INTS9: variants seen among roughly 807,000 people sequenced by gnomAD.
INTS9 encodes integrator complex subunit 9.
INTS9 carries 55 observed loss-of-function variants against 79.7 expected under a neutral mutation model. That is an observed-to-expected ratio of 0.69 (90% CI 0.56 to 0.86). The LOEUF (loss-of-function observed/expected upper bound fraction) is 0.86, where lower values mean the gene tolerates loss of function less well. Among genes scored for constraint, INTS9 ranks in the 40% least tolerant of loss-of-function variants. The pLI is 0.00. For synonymous variants in INTS9, 319 were observed against 325.2 expected (o/e 0.98, Z 0.20); for missense variants, 721 against 831.5 (o/e 0.87, Z 1.64).
chr8:28,859,406 C>T lies in INTS9; in HGVS notation c.137+30G>A, dbSNP rs372192260. 7 of 1,610,680 alleles carry T rather than the reference C, an allele frequency of 4.3e-6. No individual in the cohort carries two copies. The African/African-American group carries it at 6.7e-5, about 15-fold the overall frequency. On this transcript the variant is annotated intron_variant, in intron 2 of 16. Coordinates refer to ENST00000521022, the MANE Select transcript of INTS9 (RefSeq NM_018250.4). ...ACCATTTTTCAGCAAACTTAAAGCT[C>T]ATTTTGTCTTTGGCTGCACCAGCAC...
intron 4 of INTS9, 47 bp downstream of exon 4, chr8:28,846,700 T>C (rs1398400159): frequency 1.5e-6 from 2 of 1,366,542 alleles, no homozygotes; most frequent in Non-Finnish European, 2.1e-6. Flanking sequence ...TTTTGAGCAA[T>C]TACATAATAA....
intron 8 of INTS9, among the ~76,000 whole-genome samples, chr8:28,805,932 TA>T (rs376083235): frequency 1.4e-3 from 209 of 148,820 alleles, no homozygotes; most frequent in African/African-American, 4.6e-3. Context: ...GACACTAGAT[TA>T]AAAAAAAAAT....
intron 1 of INTS9, among the ~76,000 whole-genome samples, chr8:28,867,771 TTTCTC>T (rs1182861282): frequency 2.6e-5 from 4 of 152,222 alleles, no homozygotes; most frequent in African/African-American, 4.8e-5. Flanking sequence ...TCTATGTTCT[TTTCTC>T]TAGTCTTGTT....
At chr8:28,865,736 T>A (rs536052553) in intron 1 of INTS9, among the ~76,000 whole-genome samples, 34 of 152,278 alleles carry the variant, frequency 2.2e-4, no homozygotes, top group African/African-American at 7.9e-4. Context: ...TTCAAAAAGA[T>A]GTGCACGGGT....
At chr8:28,788,579 C>T (rs1015565382) in intron 10 of INTS9, among the ~76,000 whole-genome samples, 3 of 152,122 alleles carry the variant, frequency 2.0e-5, no homozygotes, top group African/African-American at 4.8e-5. Context: ...CCACCACACT[C>T]GGCGAATTTT....
At chr8:28,876,162 G>T (rs548049567) in intron 1 of INTS9, among the ~76,000 whole-genome samples, 34 of 152,244 alleles carry the variant, frequency 2.2e-4, no homozygotes, top group South Asian at 1.7e-3. Context: ...CTGAAGTACA[G>T]AGAAACTATT....
chr8:28,859,407 A>T, intron 2 of INTS9, 29 bp downstream of exon 2: 4 of 1,611,092 alleles, frequency 2.5e-6, no homozygotes, highest in Non-Finnish European at 3.4e-6. Flanking sequence ...CTTAAAGCTC[A>T]TTTTGTCTTT....
intron 6 of INTS9, among the ~76,000 whole-genome samples, chr8:28,833,350 A>T (rs1355599047): frequency 1.3e-5 from 2 of 151,928 alleles, no homozygotes; most frequent in African/African-American, 2.4e-5. Context: ...TGCCGGGTGC[A>T]GTGGCTCACA....
chr8:28,799,068 G>A (rs565070199), intron 8 of INTS9, among the ~76,000 whole-genome samples: 4 of 152,264 alleles, frequency 2.6e-5, no homozygotes, highest in Admixed American at 1.3e-4. Context: ...AGGCCAAGGC[G>A]GGTGGATCAC....
At chr8:28,859,684 T>C (rs1323796406) in intron 1 of INTS9, 121 bp from the exon 2 acceptor site, 1 of 1,120,852 alleles carries the variant, frequency 8.9e-7, no homozygotes, top group East Asian at 2.6e-5. Context: ...TTCAGCTAAC[T>C]TTCTATGTGG....
chr8:28,875,371 T>C (rs7826621), intron 1 of INTS9, among the ~76,000 whole-genome samples: 24,461 of 152,178 alleles, frequency 0.16, 2,372 homozygotes, highest in East Asian at 0.48. Flanking sequence ...TAACTGTTCC[T>C]TCTACTTGTA....
intron 10 of INTS9, 77 bp from the exon 11 acceptor site, chr8:28,787,966 G>GCAAATATT (rs1342404366): frequency 1.4e-5 from 13 of 917,574 alleles, no homozygotes; most frequent in Non-Finnish European, 2.0e-5. Flanking sequence ...TGGCAGCAGT[G>GCAAATATT]CAAATATTAA....
chr8:28,840,488 C>G (rs1209393711), intron 4 of INTS9, among the ~76,000 whole-genome samples: 1 of 138,722 alleles, frequency 7.2e-6, no homozygotes, highest in Non-Finnish European at 1.6e-5. Context: ...AAGACACATG[C>G]ACACGTATGT....
chr8:28,779,763 G>A (rs1460282974), intron 12 of INTS9, among the ~76,000 whole-genome samples: 1 of 152,168 alleles, frequency 6.6e-6, no homozygotes, highest in Non-Finnish European at 1.5e-5. Context: ...ACCCAACTTG[G>A]TTTGACCACA....
intron 6 of INTS9, among the ~76,000 whole-genome samples, chr8:28,826,886 A>C (rs1387185660): frequency 2.0e-5 from 3 of 152,194 alleles, no homozygotes; most frequent in Non-Finnish European, 4.4e-5. Context: ...TTACTCAACA[A>C]GTAAGTGAAG....
intron 4 of INTS9, among the ~76,000 whole-genome samples, chr8:28,839,573 G>T (rs1013449722): frequency 2.0e-5 from 3 of 152,278 alleles, no homozygotes; most frequent in South Asian, 2.1e-4. Flanking sequence ...AAACAGCATG[G>T]TACTGGTACC....
At chr8:28,881,511 C>A (rs1585534719) in intron 1 of INTS9, among the ~76,000 whole-genome samples, 1 of 124,298 alleles carries the variant, frequency 8.0e-6, no homozygotes, top group Non-Finnish European at 1.7e-5. Flanking sequence ...CCAGCCGCCC[C>A]GTCCGGGAGG....
At chr8:28,789,711 A>C (rs976824404) in intron 10 of INTS9, among the ~76,000 whole-genome samples, 2 of 152,114 alleles carry the variant, frequency 1.3e-5, no homozygotes, top group African/African-American at 4.8e-5. Flanking sequence ...GACGAGATGC[A>C]ACCTTGTCTG....
chr8:28,877,057 A>C (rs75742382), intron 1 of INTS9, among the ~76,000 whole-genome samples: 8,315 of 152,220 alleles, frequency 0.055, 372 homozygotes, highest in Middle Eastern at 0.092. Context: ...ATAAAAACAC[A>C]AAAAGGATTT....
Sources: gnomAD v4.1 joint callset for allele counts (sites outside exome capture counted in the v4.1 genomes callset) on GRCh38, gnomAD v4.1.1 for gene constraint, MANE v1.5 for transcripts, NCBI Gene and HGNC (gene_info 2026-07-23, HGNC 2026-07-21) for gene names.